Variants in ANKS1B observed in about 807,000 individuals in gnomAD.
ANKS1B encodes the protein ankyrin repeat and sterile alpha motif domain-containing protein 1B.
ANKS1B carries 36 observed loss-of-function variants against 148.3 expected under a neutral mutation model. That is an observed-to-expected ratio of 0.24 (90% CI 0.19 to 0.32). The LOEUF is 0.32. Ranked by LOEUF, ANKS1B falls within the 10% of genes least tolerant of loss-of-function variation. The pLI is 1.00. For synonymous variants in ANKS1B, 542 were observed against 560.8 expected (o/e 0.97, Z 0.47); for missense variants, 1,157 against 1,542.6 (o/e 0.75, Z 4.19).
chr12:99,239,369 A>C (rs1210137598), intron 14 of ANKS1B, among the ~76,000 whole-genome samples: 4 of 152,216 alleles, frequency 2.6e-5, no homozygotes, highest in Non-Finnish European at 5.9e-5. Flanking sequence ...GATTAGAGAA[A>C]AAAGAGTGAA....
chr12:99,890,743 A>G (rs935149636), intron 1 of ANKS1B, among the ~76,000 whole-genome samples: 1 of 152,158 alleles, frequency 6.6e-6, no homozygotes, highest in East Asian at 1.9e-4. Flanking sequence ...TAGCCTTTAC[A>G]CAACCCAATT....
chr12:99,739,160 A>G (rs1011520014), intron 8 of ANKS1B, among the ~76,000 whole-genome samples: 1 of 151,778 alleles, frequency 6.6e-6, no homozygotes, highest in Non-Finnish European at 1.5e-5. Context: ...AAGGGATGCA[A>G]ATGCTGTCTG....
At chr12:99,723,709 G>T (rs1846799) in intron 8 of ANKS1B, among the ~76,000 whole-genome samples, 32,244 of 152,058 alleles carry the variant, frequency 0.21, 3,620 homozygotes, top group Middle Eastern at 0.24. Flanking sequence ...TCAAACAGGG[G>T]TTGTCAGACA....
intron 17 of ANKS1B, among the ~76,000 whole-genome samples, chr12:98,967,162 T>C (rs1597726295): frequency 6.6e-6 from 1 of 152,178 alleles, no homozygotes; most frequent in Non-Finnish European, 1.5e-5. Flanking sequence ...ATCCCAAGCC[T>C]TGAAACTACC....
At chr12:99,040,355 G>A (rs1568503664) in intron 17 of ANKS1B, among the ~76,000 whole-genome samples, 3 of 151,856 alleles carry the variant, frequency 2.0e-5, no homozygotes, top group Admixed American at 6.6e-5. Context: ...ACCCCTGTTC[G>A]TCTTGTGCAC....
chr12:99,430,406 G>A (rs7135427), intron 11 of ANKS1B, among the ~76,000 whole-genome samples: 2,215 of 152,216 alleles, frequency 0.015, 57 homozygotes, highest in South Asian at 0.04. Flanking sequence ...GGAAGGAAGA[G>A]CAGATTTTTG....
At chr12:98,982,323 GA>G (rs1394006125) in intron 17 of ANKS1B, among the ~76,000 whole-genome samples, 1 of 152,004 alleles carries the variant, frequency 6.6e-6, no homozygotes, top group Non-Finnish European at 1.5e-5. Context: ...AAATCCAGGT[GA>G]GGACAATGTT....
chr12:99,371,586 A>C (rs538441576), intron 12 of ANKS1B, among the ~76,000 whole-genome samples: 1 of 152,198 alleles, frequency 6.6e-6, no homozygotes, highest in East Asian at 1.9e-4. Context: ...ACACATATAC[A>C]TACTGAGAGA....
chr12:98,936,275 C>G (rs2099818541), intron 17 of ANKS1B, among the ~76,000 whole-genome samples: 1 of 152,128 alleles, frequency 6.6e-6, no homozygotes, highest in Non-Finnish European at 1.5e-5. Flanking sequence ...GAATTCAAAC[C>G]CAGGTCCCCT....
intron 12 of ANKS1B, among the ~76,000 whole-genome samples, chr12:99,368,312 C>G (rs1408623003): frequency 2.6e-5 from 4 of 151,992 alleles, no homozygotes; most frequent in Non-Finnish European, 5.9e-5. Flanking sequence ...CAATCATATC[C>G]CAATCCTGAG....
chr12:98,768,130 G>A (rs2098510450), intron 25 of ANKS1B, among the ~76,000 whole-genome samples: 1 of 152,072 alleles, frequency 6.6e-6, no homozygotes, highest in Non-Finnish European at 1.5e-5. Context: ...TGTGTTTCAG[G>A]CCTAGCAAGT....
At chr12:99,793,958 C>T (rs954108242) in intron 4 of ANKS1B, among the ~76,000 whole-genome samples, 1 of 151,734 alleles carries the variant, frequency 6.6e-6, no homozygotes, top group African/African-American at 2.4e-5. Flanking sequence ...ATATAAGGAA[C>T]AAAAAAACTT....
chr12:99,461,918 T>C (rs2095980701), intron 10 of ANKS1B, among the ~76,000 whole-genome samples: 1 of 152,236 alleles, frequency 6.6e-6, no homozygotes, highest in Non-Finnish European at 1.5e-5. Flanking sequence ...TTCCTCTCTC[T>C]TCCACACTAC....
chr12:99,530,046 G>T lies in ANKS1B; in HGVS notation c.1273-25405C>A, dbSNP rs140077373. Among the ~76,000 whole-genome samples the T allele has an allele frequency of 3.5e-3, 534 of 152,242 alleles. 5 individuals are homozygous for T. The highest frequency in any genetic ancestry group is 0.011 in the African/African-American group (445 of 41,536). On this transcript the variant is annotated intron_variant, in intron 9 of 26. Coordinates refer to ENST00000683438, the MANE Select transcript of ANKS1B (RefSeq NM_001352186.2). ...ACATTTAGGCTTTGCAGGCCACATGGTCTCTGTTGTAACTACTCAGTATTG... is the reference window on the plus strand; with the variant it reads ...ACATTTAGGCTTTGCAGGCCACATGTTCTCTGTTGTAACTACTCAGTATTG...
intron 1 of ANKS1B, among the ~76,000 whole-genome samples, chr12:99,933,946 A>G (rs1213879283): frequency 6.6e-6 from 1 of 152,172 alleles, no homozygotes; most frequent in Non-Finnish European, 1.5e-5. Flanking sequence ...TTTTATCATG[A>G]AGGGATGTTG....
At chr12:99,409,453 A>C (rs928274015) in intron 11 of ANKS1B, among the ~76,000 whole-genome samples, 1 of 152,152 alleles carries the variant, frequency 6.6e-6, no homozygotes, top group South Asian at 2.1e-4. Flanking sequence ...CAATATTATG[A>C]CTAGAGTCAG....
At chr12:99,801,743 T>C (rs187000372) in intron 4 of ANKS1B, among the ~76,000 whole-genome samples, 56 of 152,232 alleles carry the variant, frequency 3.7e-4, no homozygotes, top group Admixed American at 2.1e-3. Context: ...AAAAAACGTA[T>C]GGTATTAAAG....
intron 22 of ANKS1B, among the ~76,000 whole-genome samples, chr12:98,796,041 A>G (rs777442640): frequency 2.0e-5 from 3 of 152,200 alleles, no homozygotes; most frequent in Non-Finnish European, 2.9e-5. Flanking sequence ...ATCGTCTATT[A>G]TGATCCCTTA....
chr12:99,170,182 T>C (rs1255564133), intron 14 of ANKS1B, among the ~76,000 whole-genome samples: 3 of 152,222 alleles, frequency 2.0e-5, no homozygotes, highest in Non-Finnish European at 2.9e-5. Context: ...TTTTGAAATA[T>C]TGCAGCTTCA....
Sources: allele counts gnomAD v4.1 joint callset (sites outside exome capture counted in the v4.1 genomes callset), GRCh38; gene constraint gnomAD v4.1.1; transcripts MANE v1.5; gene names NCBI Gene and HGNC (gene_info 2026-07-23, HGNC 2026-07-21).